The following BAG3 variants were observed in gnomAD, a reference collection of about 807,000 sequenced individuals.
BAG3 encodes BAG cochaperone 3, also known as BAG family molecular chaperone regulator 3.
A neutral mutation model predicts 40.5 loss-of-function variants in BAG3; 14 were observed. That is an observed-to-expected ratio of 0.35 (90% CI 0.23 to 0.54). The LOEUF is 0.54. BAG3 is among the 20% of genes least tolerant of loss of function. The pLI, the probability that BAG3 is intolerant of heterozygous loss-of-function variation, is 0.91. For synonymous variants in BAG3, 302 were observed against 307.8 expected (o/e 0.98, Z 0.20); for missense variants, 788 against 758.6 (o/e 1.04, Z -0.46).
Position 119,651,741 on chromosome 10 carries a change from G to GC in BAG3, c.72dup (p.Gly25ArgfsTer33), listed in dbSNP as rs727502897. On this transcript the variant is annotated frameshift_variant, in exon 1 of 4. Coordinates refer to ENST00000369085, the MANE Select transcript of BAG3 (RefSeq NM_004281.4). LOFTEE classifies it high-confidence loss of function. ...CCGGCAACGGTGACCGCGACCCTTTGCCCCCCGGATGGGAGATCAAGATCG... is the reference window on the plus strand; with the variant it reads ...CCGGCAACGGTGACCGCGACCCTTTGCCCCCCCGGATGGGAGATCAAGATCG... 5.0e-6 allele frequency: 8 copies of GC among 1,599,364 alleles called. No individual in the cohort carries two copies. The highest frequency in any genetic ancestry group is 2.3e-5 in the East Asian group (1 of 43,670).
intron 1 of BAG3, among the ~76,000 whole-genome samples, chr10:119,666,546 A>AT (rs982208352): frequency 1.2e-4 from 18 of 152,186 alleles, no homozygotes; most frequent in African/African-American, 4.3e-4. Context: ...GAGGCACAAA[A>AT]TGTGCTCAGC....
At chr10:119,651,999 C>T (rs1589620103) in intron 1 of BAG3, 144 bp downstream of exon 1, 4 of 640,690 alleles carry the variant, frequency 6.2e-6, no homozygotes, top group Non-Finnish European at 6.2e-6. Flanking sequence ...GCTCCGCGCC[C>T]CGCCACACAC....
At chr10:119,652,180 C>T (rs1359407526) in intron 1 of BAG3, among the ~76,000 whole-genome samples, 2 of 152,074 alleles carry the variant, frequency 1.3e-5, no homozygotes, top group East Asian at 3.9e-4. Flanking sequence ...GCCTCGCGCT[C>T]TAGGGCTGGG....
intron 2 of BAG3, 115 bp downstream of exon 2, chr10:119,670,292 A>G: frequency 8.5e-7 from 1 of 1,169,662 alleles, no homozygotes; most frequent in Admixed American, 2.8e-5. Flanking sequence ...CATGCAGGGC[A>G]TCTGGGTCTA....
chr10:119,674,831 C>G (rs2134066780), intron 3 of BAG3, among the ~76,000 whole-genome samples: 1 of 151,640 alleles, frequency 6.6e-6, no homozygotes, highest in East Asian at 2.0e-4. Context: ...AAAAGTTAAC[C>G]AGGCATGTTG....
At chr10:119,657,172 A>C (rs777904593) in intron 1 of BAG3, among the ~76,000 whole-genome samples, 1 of 151,396 alleles carries the variant, frequency 6.6e-6, no homozygotes, top group Non-Finnish European at 1.5e-5. Flanking sequence ...CTCTTTACTC[A>C]CTCCTTTACC....
At chr10:119,660,091 G>A (rs141596278) in intron 1 of BAG3, among the ~76,000 whole-genome samples, 194 of 152,372 alleles carry the variant, frequency 1.3e-3, no homozygotes, top group African/African-American at 4.3e-3. Context: ...GCCCCCAGCA[G>A]GGGAAATACC....
intron 1 of BAG3, among the ~76,000 whole-genome samples, chr10:119,668,364 C>T (rs1055685841): frequency 2.6e-5 from 4 of 152,256 alleles, no homozygotes; most frequent in Non-Finnish European, 5.9e-5. Context: ...TTGATTGATT[C>T]CGCAGCAGTA....
chr10:119,675,078 T>A (rs1313617234), intron 3 of BAG3, among the ~76,000 whole-genome samples: 1 of 152,172 alleles, frequency 6.6e-6, no homozygotes, highest in Non-Finnish European at 1.5e-5. Flanking sequence ...ACACCTATAA[T>A]CCTAGCACTT....
chr10:119,667,855 A>G (rs1184443516), intron 1 of BAG3, among the ~76,000 whole-genome samples: 3 of 152,234 alleles, frequency 2.0e-5, no homozygotes, highest in Admixed American at 6.5e-5. Context: ...CAAAAATGAC[A>G]CTGCAGGACT....
chr10:119,677,128 T>C lies in BAG3; in HGVS notation c.1574T>C (p.Met525Thr), dbSNP rs2134069468. ...LEADQPLQAI[M>T]EMGAVAADKG... ...GCAGATCAGCCACTGCAGGCAATCA[T>C]GGAGATGGGTGCCGTGGCAGCAGAC... The change falls in exon 4 of 4, where the codon ATG becomes ACG. Residue 525 changes from methionine (M) to threonine (T), a missense_variant. Transcript: ENST00000369085. The C allele has an allele frequency of 1.2e-6, 2 of 1,614,068 alleles. No homozygotes were observed. The highest frequency in any genetic ancestry group is 1.7e-6 in the Non-Finnish European group (2 of 1,180,012).
intron 2 of BAG3, 30 bp downstream of exon 2, chr10:119,670,207 T>G (rs762531401): frequency 1.3e-6 from 2 of 1,558,846 alleles, no homozygotes; most frequent in Non-Finnish European, 1.7e-6. Context: ...ACCAGCCTGC[T>G]GGGGAGCAAG....
chr10:119,669,878 TC>T lies in BAG3; in HGVS notation c.211del (p.Arg71GlyfsTer140). ...KETPSSANGP[S>X]REGSRLPPAR... ...GACTCCATCCTCTGCCAATGGCCCT[TC>T]CCGGGAGGGCTCTAGGCTGCCGCCT... On this transcript the variant is annotated frameshift_variant, in exon 2 of 4. Coordinates refer to ENST00000369085, the MANE Select transcript of BAG3 (RefSeq NM_004281.4). LOFTEE classifies it high-confidence loss of function. 6.2e-7 allele frequency: 1 copy of T among 1,614,200 alleles called. No homozygotes were observed. The highest frequency in any genetic ancestry group is 8.5e-7 in the Non-Finnish European group (1 of 1,180,036).
chr10:119,655,572 G>C (rs1846899228), intron 1 of BAG3, among the ~76,000 whole-genome samples: 1 of 152,164 alleles, frequency 6.6e-6, no homozygotes, highest in Admixed American at 6.5e-5. Context: ...TCTATTGCAA[G>C]CTGTTATGCC....
intron 1 of BAG3, among the ~76,000 whole-genome samples, chr10:119,655,241 C>T (rs573299878): frequency 3.3e-5 from 5 of 152,236 alleles, no homozygotes; most frequent in African/African-American, 9.6e-5. Context: ...ACATGGGAAG[C>T]GAGCCGAGAC....
chr10:119,668,703 G>A (rs1040766355), intron 1 of BAG3, among the ~76,000 whole-genome samples: 1 of 152,216 alleles, frequency 6.6e-6, no homozygotes, highest in African/African-American at 2.4e-5. Flanking sequence ...GGCCACTGAA[G>A]GGAGAACTTC....
At chr10:119,670,550 A>T (rs1251701687) in intron 2 of BAG3, among the ~76,000 whole-genome samples, 1 of 152,126 alleles carries the variant, frequency 6.6e-6, no homozygotes, top group Admixed American at 6.5e-5. Context: ...CCTTATTCAC[A>T]CTGGGCTTTC....
chr10:119,664,265 G>T (rs1023450035), intron 1 of BAG3, among the ~76,000 whole-genome samples: 2 of 152,114 alleles, frequency 1.3e-5, no homozygotes, highest in African/African-American at 2.4e-5. Flanking sequence ...CTCATCTGGG[G>T]TCATTTTTTT....
At chr10:119,676,388 A>T in intron 3 of BAG3, 76 bp from the exon 4 acceptor site, 1 of 1,501,402 alleles carries the variant, frequency 6.7e-7, no homozygotes, top group South Asian at 1.1e-5. Context: ...TTTTCTTTCT[A>T]ATCTGTACTA....
Sources: allele counts gnomAD v4.1 joint callset (sites outside exome capture counted in the v4.1 genomes callset), GRCh38; gene constraint gnomAD v4.1.1; transcripts MANE v1.5; gene names NCBI Gene and HGNC (gene_info 2026-07-23, HGNC 2026-07-21).